JAKMIP3: variants seen among roughly 807,000 people sequenced by gnomAD.
JAKMIP3 encodes janus kinase and microtubule-interacting protein 3.
A neutral mutation model predicts 118.5 loss-of-function variants in JAKMIP3; 58 were observed. The ratio of observed to expected loss-of-function variants is 0.49; its 90% confidence interval spans 0.40 to 0.61. The LOEUF is 0.61. Ranked by LOEUF, JAKMIP3 falls within the 20% of genes least tolerant of loss-of-function variation. The pLI, the probability that JAKMIP3 is intolerant of heterozygous loss-of-function variation, is 0.00. For synonymous variants in JAKMIP3, 486 were observed against 451.2 expected, an observed-to-expected ratio of 1.08 and a Z score of -0.98; for missense variants, 950 against 1,109.0, an observed-to-expected ratio of 0.86 and a Z score of 2.04.
At chr10:132,076,691 C>T (rs1308788384) in intron 1 of JAKMIP3, among the ~76,000 whole-genome samples, 3 of 146,376 alleles carry the variant, frequency 2.0e-5, no homozygotes, top group South Asian at 2.2e-4. Context: ...GACTGGCCTG[C>T]GGTGGCCCCG....
chr10:132,133,235 AGGGCTGCGCCC>A (rs1158275668), intron 3 of JAKMIP3, 66 bp from the exon 4 acceptor site: 3 of 1,247,178 alleles, frequency 2.4e-6, no homozygotes, highest in Non-Finnish European at 3.4e-6. Flanking sequence ...AGAGCCTGGC[AGGGCTGCGCCC>A]GTTTCTATGG....
intron 13 of JAKMIP3, among the ~76,000 whole-genome samples, chr10:132,146,784 G>A (rs1054001326): frequency 2.6e-5 from 4 of 152,162 alleles, no homozygotes; most frequent in Admixed American, 1.3e-4. Context: ...AATGGCGAAC[G>A]ACACCCCCAT....
At chr10:132,057,524 G>C (rs578024113) in intron 1 of JAKMIP3, among the ~76,000 whole-genome samples, 2 of 152,322 alleles carry the variant, frequency 1.3e-5, no homozygotes, top group South Asian at 4.1e-4. Flanking sequence ...CCGCCGGTTA[G>C]TGTCAGAACT....
intron 2 of JAKMIP3, among the ~76,000 whole-genome samples, chr10:132,114,444 T>C (rs2047329058): frequency 6.6e-6 from 1 of 152,206 alleles, no homozygotes. Flanking sequence ...AGGCTGGTCT[T>C]GAACTCCTCA....
At position 132,150,032 on chromosome 10, in the gene JAKMIP3, C is replaced by T. The variant is rs571859786; in HGVS notation, c.1998C>T (p.Asn666=). The change falls in exon 16 of 24, where the codon AAC becomes AAT. Residue 666 remains asparagine (N), a synonymous_variant. Transcript: ENST00000684848. Reference sequence around the variant, plus strand: ...AGAAGCTGGACATCCTGGGCGATAACGCCGTAAGTGTATGTCGCTCTCCTG... The same window carrying T: ...AGAAGCTGGACATCCTGGGCGATAATGCCGTAAGTGTATGTCGCTCTCCTG... ...LMKKLDILGD[N]AVSNLTNEEQ... The T allele has an allele frequency of 7.2e-5, 112 of 1,550,194 alleles. No individual in the cohort carries two copies. The highest frequency in any genetic ancestry group is 8.4e-5 in the Non-Finnish European group (96 of 1,144,214).
intron 1 of JAKMIP3, among the ~76,000 whole-genome samples, chr10:132,078,626 G>GC (rs1050206318): frequency 2.9e-5 from 4 of 139,292 alleles, no homozygotes; most frequent in Non-Finnish European, 4.6e-5. Flanking sequence ...GGGCGGGGGG[G>GC]GGGGGGGGTC....
At chr10:132,066,145 T>C (rs553650667) in intron 1 of JAKMIP3, among the ~76,000 whole-genome samples, 84 bp downstream of exon 1, 40 of 152,332 alleles carry the variant, frequency 2.6e-4, no homozygotes, top group African/African-American at 8.7e-4. Context: ...CACCTGGTGC[T>C]CTTCTGTATT....
chr10:132,036,727 C>T (rs2037509372), exon 1 of JAKMIP3, among the ~76,000 whole-genome samples: 1 of 150,852 alleles, frequency 6.6e-6, no homozygotes, highest in Non-Finnish European at 1.5e-5. Flanking sequence ...GAGTCGCTCG[C>T]GGGGAGCCTC....
At chr10:132,133,000 C>T (rs993338722) in intron 3 of JAKMIP3, among the ~76,000 whole-genome samples, 1 of 152,254 alleles carries the variant, frequency 6.6e-6, no homozygotes, top group Non-Finnish European at 1.5e-5. Flanking sequence ...GAAAGTACCA[C>T]CCCTGTGTGC....
intron 23 of JAKMIP3, among the ~76,000 whole-genome samples, chr10:132,175,462 G>A (rs1314839700): frequency 1.3e-5 from 2 of 152,120 alleles, no homozygotes; most frequent in East Asian, 1.9e-4. Context: ...GCCACCACAA[G>A]ATGGGAAAGC....
intron 3 of JAKMIP3, among the ~76,000 whole-genome samples, chr10:132,123,269 G>C (rs1262621497): frequency 6.6e-6 from 1 of 152,220 alleles, no homozygotes; most frequent in African/African-American, 2.4e-5. Flanking sequence ...TGTCATCACA[G>C]AGCCTGAGAG....
At chr10:132,166,101 A>G (rs2136659584) in intron 21 of JAKMIP3, among the ~76,000 whole-genome samples, 1 of 152,302 alleles carries the variant, frequency 6.6e-6, no homozygotes, top group South Asian at 2.1e-4. Flanking sequence ...AGATGGGAGG[A>G]TCGCTTGAGC....
Position 132,112,471 on chromosome 10 carries a change from C to T in JAKMIP3, c.136-4606C>T, listed in dbSNP as rs184463739. On this transcript the variant is annotated intron_variant, in intron 2 of 23. Transcript: ENST00000684848. This position sits in a 1 kb window ranked among gnomAD's most constrained non-coding sequence, Gnocchi z 4.3. ...ACATTCCATCCCGCCTCTGTTCTTT[C>T]GGGCTGTTAGGTTTTAAGAAGGGTC... Among the ~76,000 whole-genome samples the T allele has an allele frequency of 2.6e-5, 4 of 152,252 alleles. No individual in the cohort carries two copies. The highest frequency in any genetic ancestry group is 1.3e-4 in the Admixed American group (2 of 15,288).
At chr10:132,143,572 T>A (rs767248203) in intron 11 of JAKMIP3, 2 of 152,196 alleles carry the variant, frequency 1.3e-5, no homozygotes, top group Non-Finnish European at 2.9e-5. Flanking sequence ...TCATTTAGAA[T>A]CAGAGGAAAA....
At chr10:132,164,074 A>C (rs574529021) in intron 20 of JAKMIP3, among the ~76,000 whole-genome samples, 16 of 152,362 alleles carry the variant, frequency 1.1e-4, no homozygotes, top group Admixed American at 9.1e-4. Context: ...GCGAAGGCTT[A>C]GTTGAAATTC....
chr10:132,167,834 C>T (rs1490669141), intron 22 of JAKMIP3, 119 bp from the exon 23 acceptor site: 7 of 583,062 alleles, frequency 1.2e-5, no homozygotes, highest in Admixed American at 1.1e-4. Flanking sequence ...CCTCACCCCT[C>T]GGCCCTCGCC....
intron 3 of JAKMIP3, among the ~76,000 whole-genome samples, chr10:132,119,568 C>T (rs569665866): frequency 7.2e-5 from 11 of 152,316 alleles, no homozygotes; most frequent in African/African-American, 2.6e-4. Flanking sequence ...CATTGTCAGT[C>T]CCTCCTCCGC....
intron 1 of JAKMIP3, among the ~76,000 whole-genome samples, chr10:132,099,134 G>A (rs768628971): frequency 4.6e-5 from 7 of 152,158 alleles, no homozygotes; most frequent in East Asian, 1.9e-4. Context: ...CCTCTGCATC[G>A]CGTGGTGGTA....
intron 1 of JAKMIP3, among the ~76,000 whole-genome samples, chr10:132,053,646 C>T (rs557814592): frequency 3.2e-4 from 49 of 152,324 alleles, no homozygotes; most frequent in African/African-American, 8.4e-4. Context: ...GACCTCACCT[C>T]GCTTGCCATT....
Sources: allele counts gnomAD v4.1 joint callset (sites outside exome capture counted in the v4.1 genomes callset), GRCh38; gene constraint gnomAD v4.1.1; non-coding constraint Gnocchi (gnomAD v3.1); transcripts MANE v1.5; gene names NCBI Gene and HGNC (gene_info 2026-07-23, HGNC 2026-07-21).